Variants in ACOX1 observed in about 807,000 individuals in gnomAD.
ACOX1 encodes peroxisomal acyl-coenzyme A oxidase 1.
ACOX1 carries 41 observed loss-of-function variants against 75.5 expected under a neutral mutation model. That is an observed-to-expected ratio of 0.54 (90% confidence interval 0.42 to 0.70). The LOEUF is 0.70. ACOX1 is among the 30% of genes least tolerant of loss of function. ACOX1 has a pLI of 0.00. For synonymous variants in ACOX1, 303 were observed against 298.8 expected (o/e 1.01, Z -0.15); for missense variants, 630 against 837.5 (o/e 0.75, Z 3.06).
chr17:75,961,689 G>A (rs2065889713), intron 2 of ACOX1, among the ~76,000 whole-genome samples: 1 of 149,886 alleles, frequency 6.7e-6, no homozygotes, highest in Non-Finnish European at 1.5e-5. Flanking sequence ...GAACCTGGGA[G>A]GCGGTGGTTG....
intron 2 of ACOX1, among the ~76,000 whole-genome samples, chr17:75,968,435 C>CAAAAAAA (rs55909021): frequency 3.8e-4 from 8 of 21,008 alleles, no homozygotes; most frequent in Non-Finnish European, 5.7e-4. Flanking sequence ...GACTCCGTCT[C>CAAAAAAA]AAAAAAAAAA....
At chr17:75,973,434 C>T (rs1409643267) in intron 2 of ACOX1, 8 of 640,278 alleles carry the variant, frequency 1.2e-5, no homozygotes, top group Non-Finnish European at 8.3e-6. Context: ...CAGTGAATGA[C>T]GTTTATAGGC....
chr17:75,948,806 G>A (rs1270044069), intron 12 of ACOX1, among the ~76,000 whole-genome samples: 5 of 151,296 alleles, frequency 3.3e-5, no homozygotes, highest in Non-Finnish European at 7.4e-5. Flanking sequence ...TGCCCGCCTT[G>A]GCCAAAGTGT....
At position 75,948,305 on chromosome 17, in the gene ACOX1, A is replaced by C; in HGVS notation, c.1881T>G (p.Asn627Lys). 1.2e-6 allele frequency: 2 copies of C among 1,614,096 alleles called. No homozygotes were observed. The highest frequency in any genetic ancestry group is 1.7e-6 in the Non-Finnish European group (2 of 1,180,000). Residue 627 changes from asparagine (N) to lysine (K), a missense_variant, in exon 13 of 14, where the codon AAT becomes AAG. Coordinates refer to ENST00000293217, the MANE Select transcript of ACOX1 (RefSeq NM_004035.7). Reference sequence around the variant, plus strand: ...CCCACTCAAACAAGTTTTCATACACATTCCCATCATAGCGGCCAAGCACAG... The same window carrying C: ...CCCACTCAAACAAGTTTTCATACACCTTCCCATCATAGCGGCCAAGCACAG... ...LGSVLGRYDG[N>K]VYENLFEWAK...
rs1567871351 is a variant in ACOX1 at position 75,946,786 on chromosome 17, A to G, written c.1945T>C (p.Ser649Pro). The G allele has an allele frequency of 6.2e-7, 1 of 1,613,874 alleles. No homozygotes were observed. Among genetic ancestry groups the G allele is most frequent in the Non-Finnish European group, 8.5e-7 (1 of 1,179,796 alleles). The stretch of plus-strand genomic sequence containing the variant: ...TGCAGTGACTTCAGGTGCTTGTAAG[A>G]TTCGTGGACCTGTGGGGAAAGGAGA... ...SPLNKAEVHE[S>P]YKHLKSLQSK... is the part of the protein sequence containing the mutation. The change falls in exon 14 of 14, where the codon TCT (serine) becomes CCT (proline). Residue 649 changes from serine (S) to proline (P), a missense_variant. Transcript: ENST00000293217.
intron 2 of ACOX1, among the ~76,000 whole-genome samples, chr17:75,968,434 T>TGAAAAAAAA (rs1275145493): frequency 2.6e-5 from 1 of 38,750 alleles, no homozygotes; most frequent in African/African-American, 4.0e-4. Flanking sequence ...AGACTCCGTC[T>TGAAAAAAAA]CAAAAAAAAA....
chr17:75,963,645 C>T (rs554596069), intron 2 of ACOX1, among the ~76,000 whole-genome samples: 7 of 150,702 alleles, frequency 4.6e-5, no homozygotes, highest in Non-Finnish European at 7.4e-5. Flanking sequence ...CTGCAGTGAA[C>T]GGAGATCGTG....
Position 75,945,458 on chromosome 17 carries a change from C to T in ACOX1, c.*1290G>A, listed in dbSNP as rs1216427692. The T allele has an allele frequency of 6.6e-6, 1 of 151,878 alleles. No homozygotes were observed. Among genetic ancestry groups the T allele is most frequent in the Non-Finnish European group, 1.5e-5 (1 of 67,970 alleles). 9.4% of individuals were successfully genotyped at this position (151,878 alleles called of 1,614,324 possible). A position where few individuals can be genotyped will look rare whatever the true frequency, so the allele number is the denominator to read the frequency against. ...GATAGATAGATATTATGTCAGGTCCCAAGATAGGAGTTATGTTTCCATGGA... is the reference window on the plus strand; with the variant it reads ...GATAGATAGATATTATGTCAGGTCCTAAGATAGGAGTTATGTTTCCATGGA... On this transcript the variant is annotated 3_prime_UTR_variant, in exon 14 of 14. Transcript: ENST00000293217.
intron 3 of ACOX1, among the ~76,000 whole-genome samples, chr17:75,958,411 G>A (rs1401431539): frequency 1.4e-5 from 2 of 147,290 alleles, no homozygotes; most frequent in Non-Finnish European, 3.1e-5. Context: ...GCTCAAGCCT[G>A]TAATCCCAGC....
chr17:75,974,408 T>G (rs1005229841), intron 2 of ACOX1, among the ~76,000 whole-genome samples: 2 of 152,194 alleles, frequency 1.3e-5, no homozygotes, highest in African/African-American at 2.4e-5. Context: ...CAATGAACAT[T>G]ACTACGGATT....
chr17:75,973,581 A>T, intron 2 of ACOX1: 1 of 1,607,282 alleles, frequency 6.2e-7, no homozygotes, highest in African/African-American at 1.3e-5. Context: ...CTGTTAACTG[A>T]TGTCCTGAGG....
Position 75,951,485 on chromosome 17 carries a change from G to A in ACOX1, c.1037C>T (p.Ala346Val). 1 of 1,614,116 alleles carries A rather than the reference G, an allele frequency of 6.2e-7. No individual in the cohort carries two copies. Among genetic ancestry groups the A allele is most frequent in the Non-Finnish European group, 8.5e-7 (1 of 1,180,020 alleles). ...ATAYAFQFVG[A>V]YMKETYHRIN... ...CCGGTGATAGGTCTCCTTCATGTAT[G>A]CGCCCACAAACTGGAAGGCATAGGC... The change falls in exon 8 of 14, where the codon GCA (alanine) becomes GTA (valine). Residue 346 changes from alanine to valine, a missense_variant. By Grantham distance (64) the Ala-to-Val change is moderately conservative. This residue lies in a region of ACOX1 where 390 missense variants were observed against 574.9 expected (regional missense o/e 0.68). Transcript: ENST00000293217.
At position 75,954,303 on chromosome 17, in the gene ACOX1, C is replaced by T. The variant is rs35663703; in HGVS notation, c.775-683G>A. On this transcript the variant is annotated intron_variant, in intron 6 of 13. Coordinates refer to ENST00000293217, the MANE Select transcript of ACOX1 (RefSeq NM_004035.7). ...TGGGAGGCCGAGGCAAGAGGGTCCC[C>T]TGAGGTCAGGAGTTTGAGACCAGCC... 4.3e-3 allele frequency among the ~76,000 whole-genome samples: 641 copies of T among 149,836 alleles called. 10 individuals are homozygous for T. The highest frequency in any genetic ancestry group is 0.034 in the Admixed American group (510 of 14,956).
chr17:75,949,475 AAGAG>A lies in ACOX1; in HGVS notation c.1584+16_1584+19del, dbSNP rs750820195. ...GATGCTGAGGGCAGGGAAGGGGAAAAAGAGAGAACTACCACTGACCTCACTTGCT... is the reference window on the plus strand; with the variant it reads ...GATGCTGAGGGCAGGGAAGGGGAAAAAGAACTACCACTGACCTCACTTGCT... On this transcript the variant is annotated intron_variant, in intron 11 of 13. Transcript: ENST00000293217. 7.4e-6 allele frequency: 12 copies of A among 1,613,258 alleles called. No individual in the cohort carries two copies. Among genetic ancestry groups the A allele is most frequent in the South Asian group, 5.5e-5 (5 of 91,076 alleles).
chr17:75,953,844 A>G (rs528376546), intron 6 of ACOX1, among the ~76,000 whole-genome samples: 1 of 152,366 alleles, frequency 6.6e-6, no homozygotes, highest in East Asian at 1.9e-4. Flanking sequence ...AACGCATGCA[A>G]AAGTTTGAGA....
In ACOX1 at chr17:75,973,613, A is replaced by G. The variant is rs142950431; in HGVS notation, c.269+4921T>C. The G allele has an allele frequency of 1.3e-3, 2,095 of 1,614,126 alleles. 21 individuals are homozygous for G. The African/African-American group carries it at 0.025, about 19-fold the overall frequency. The stretch of plus-strand genomic sequence containing the variant: ...GAGGTGGGTTACCCACAGACCCTCA[A>G]TGTGGACTAACCGTGGCCCATTTCC... On this transcript the variant is annotated intron_variant, in intron 2 of 13. Transcript: ENST00000293217.
At chr17:75,973,300 C>T in intron 2 of ACOX1, 1 of 372,400 alleles carries the variant, frequency 2.7e-6, no homozygotes, top group Non-Finnish European at 5.1e-6. Flanking sequence ...GAGGCACTAA[C>T]CCTCTGAAGA....
At chr17:75,956,975 A>C (rs1253484494) in intron 4 of ACOX1, among the ~76,000 whole-genome samples, 27 of 9,338 alleles carry the variant, frequency 2.9e-3, no homozygotes, top group East Asian at 9.3e-3. Context: ...CTCTCTCTAT[A>C]TATATATATA....
rs1598169368 is a variant in ACOX1 at position 75,944,159 on chromosome 17, G to A, written c.*2589C>T. The A allele has an allele frequency of 1.3e-5, 2 of 152,268 alleles. No individual in the cohort carries two copies. Among genetic ancestry groups the A allele is most frequent in the East Asian group, 1.9e-4 (1 of 5,180 alleles). 9.4% of individuals were successfully genotyped at this position (152,268 alleles called of 1,614,324 possible). On this transcript the variant is annotated 3_prime_UTR_variant, in exon 14 of 14. Coordinates refer to ENST00000293217, the MANE Select transcript of ACOX1 (RefSeq NM_004035.7). ...TGAGGAGGGAGGACCATTTGAACCC[G>A]GGAGGCAGAGGTCACAGTAAGCCAA...
Sources: gnomAD v4.1 joint callset for allele counts (sites outside exome capture counted in the v4.1 genomes callset) on GRCh38, gnomAD v4.1.1 for gene constraint, gnomAD v4.1.1 regional missense constraint, MANE v1.5 for transcripts, NCBI Gene and HGNC (gene_info 2026-07-23, HGNC 2026-07-21) for gene names.